Variants in PCDHA13 observed in about 807,000 individuals in gnomAD.
PCDHA13 encodes the protein protocadherin alpha 13.
PCDHA13 carries 54 observed loss-of-function variants against 64.8 expected under a neutral mutation model. The observed-to-expected ratio is 0.83, with a 90% CI of 0.67 to 1.04. The LOEUF (loss-of-function observed/expected upper bound fraction) is 1.04, where lower values mean the gene tolerates loss of function less well. PCDHA13 is among the 50% of genes least tolerant of loss of function. The pLI is 0.00. For synonymous variants in PCDHA13, 587 were observed against 564.4 expected, an observed-to-expected ratio of 1.04 and a Z score of -0.57; for missense variants, 1,248 against 1,254.3, an observed-to-expected ratio of 0.99 and a Z score of 0.08.
chr5:140,993,996 G>T (rs1163632974), intron 3 of PCDHA13, among the ~76,000 whole-genome samples: 1 of 152,148 alleles, frequency 6.6e-6, no homozygotes, highest in Non-Finnish European at 1.5e-5. Flanking sequence ...CTTAGGTCAG[G>T]CCAGGCTCTG....
At chr5:140,979,386 A>C (rs1374804536) in intron 2 of PCDHA13, among the ~76,000 whole-genome samples, 1 of 152,142 alleles carries the variant, frequency 6.6e-6, no homozygotes, top group East Asian at 1.9e-4. Flanking sequence ...TGTGCAATGT[A>C]TACATACATG....
At chr5:140,969,241 A>G (rs1554231627) in intron 1 of PCDHA13, 2 of 1,614,230 alleles carry the variant, frequency 1.2e-6, no homozygotes, top group Admixed American at 3.3e-5. Context: ...CCCAAGCAGC[A>G]GTGACTGACA....
intron 1 of PCDHA13, chr5:140,966,878 G>A (rs2096064555): frequency 6.3e-7 from 1 of 1,587,174 alleles, no homozygotes; most frequent in African/African-American, 1.3e-5. Flanking sequence ...GCTGCTACCT[G>A]GCCCTGCGGC....
intron 1 of PCDHA13, among the ~76,000 whole-genome samples, chr5:140,943,763 G>T (rs2093562574): frequency 6.6e-6 from 1 of 152,122 alleles, no homozygotes; most frequent in Admixed American, 6.5e-5. Context: ...GGAGATGTAG[G>T]AAAAAAACTA....
rs571215806 is a variant in PCDHA13, at chr5:140,940,454, G to T, written c.2395-38495G>T. Among the ~76,000 whole-genome samples, 18 of 151,694 alleles carry T rather than the reference G, an allele frequency of 1.2e-4. No homozygotes were observed. The East Asian group carries it at 3.3e-3, about 28-fold the overall frequency. On this transcript the variant is annotated intron_variant, in intron 1 of 3. Coordinates refer to ENST00000289272, the MANE Select transcript of PCDHA13 (RefSeq NM_018904.3). ...AAGTCTGCCATGATATTTTTTATAGGTTTCTGTTCCCTGCAATTTTTTTTT... is the reference window on the plus strand; with the variant it reads ...AAGTCTGCCATGATATTTTTTATAGTTTTCTGTTCCCTGCAATTTTTTTTT...
intron 1 of PCDHA13, among the ~76,000 whole-genome samples, chr5:140,914,691 T>G (rs1300550753): frequency 6.6e-6 from 1 of 152,130 alleles, no homozygotes; most frequent in Non-Finnish European, 1.5e-5. Flanking sequence ...TTTTCTCTGG[T>G]GGTATGATTT....
chr5:140,999,066 T>G (rs2097845533), intron 3 of PCDHA13, among the ~76,000 whole-genome samples: 1 of 152,214 alleles, frequency 6.6e-6, no homozygotes, highest in Admixed American at 6.5e-5. Flanking sequence ...CTAAGTAGTC[T>G]CCTTCACTTC....
chr5:141,002,120 T>C (rs1416494483), intron 3 of PCDHA13, among the ~76,000 whole-genome samples: 1 of 152,250 alleles, frequency 6.6e-6, no homozygotes, highest in African/African-American at 2.4e-5. Context: ...CTATAATCAT[T>C]TAATAGCCTT....
intron 1 of PCDHA13, among the ~76,000 whole-genome samples, chr5:140,903,229 T>G (rs2153479721): frequency 6.6e-6 from 1 of 152,340 alleles, no homozygotes; most frequent in Non-Finnish European, 1.5e-5. Context: ...CATCTATTAC[T>G]TTTTGATTTT....
At chr5:140,968,170 C>G in intron 1 of PCDHA13, 1 of 1,614,132 alleles carries the variant, frequency 6.2e-7, no homozygotes, top group Middle Eastern at 1.6e-4. Context: ...ATCCACCAAG[C>G]TTCCTGGAGG....
chr5:140,895,413 C>T (rs141941836), intron 1 of PCDHA13, among the ~76,000 whole-genome samples: 52 of 152,240 alleles, frequency 3.4e-4, no homozygotes, highest in African/African-American at 1.0e-3. Flanking sequence ...GCCCCATAAC[C>T]TTCTTTTGCT....
chr5:140,928,372 G>T (rs782494631), intron 1 of PCDHA13: 5 of 1,614,136 alleles, frequency 3.1e-6, no homozygotes, highest in Non-Finnish European at 4.2e-6. Flanking sequence ...AGGGCCATCA[G>T]CCTCTAGCTT....
Position 140,925,039 on chromosome 5 carries a change from A to C in PCDHA13, c.2394+40377A>C, listed in dbSNP as rs554229960. ...GATGGGAGGATCGCTTGAGCCCAGA[A>C]GTTTGAGACCAGACTGGGCAACAAA... On this transcript the variant is annotated intron_variant, in intron 1 of 3. Coordinates refer to ENST00000289272, the MANE Select transcript of PCDHA13 (RefSeq NM_018904.3). Among the ~76,000 whole-genome samples the C allele has an allele frequency of 1.1e-4, 16 of 152,028 alleles. 1 individual carries two copies. The highest frequency in any genetic ancestry group is 1.6e-4 in the Non-Finnish European group (11 of 67,960).
rs1554213921 is a variant in PCDHA13 at position 140,941,202 on chromosome 5, C to CTTTCTTTCTTTCTTT, written c.2395-37747_2395-37746insTTTCTTTCTTTCTTT. Among the ~76,000 whole-genome samples the CTTTCTTTCTTTCTTT allele has an allele frequency of 5.9e-3, 725 of 122,798 alleles. 27 individuals are homozygous for CTTTCTTTCTTTCTTT. The highest frequency in any genetic ancestry group is 0.024 in the East Asian group (107 of 4,522). The allele number at this position is 122,798 out of a possible 152,430, so 80.6% of individuals were successfully genotyped here. ...TCCTGCTTCTTTTTTTTTCTTTCTTCCTTTCTTTCTTCCTTTCTTTCTTTC... is the reference window on the plus strand; with the variant it reads ...TCCTGCTTCTTTTTTTTTCTTTCTTCTTTCTTTCTTTCTTTCTTTCTTTCTTCCTTTCTTTCTTTC... On this transcript the variant is annotated intron_variant, in intron 1 of 3. Coordinates refer to ENST00000289272, the MANE Select transcript of PCDHA13 (RefSeq NM_018904.3).
intron 1 of PCDHA13, chr5:140,930,576 T>C (rs1554207933): frequency 1.3e-5 from 2 of 152,582 alleles, no homozygotes; most frequent in Non-Finnish European, 2.9e-5. Flanking sequence ...TCTACGGTAT[T>C]ACTTTTTGAC....
At chr5:140,890,784 T>C (rs2062805881) in intron 1 of PCDHA13, among the ~76,000 whole-genome samples, 1 of 152,212 alleles carries the variant, frequency 6.6e-6, no homozygotes, top group South Asian at 2.1e-4. Flanking sequence ...CCATAAGATA[T>C]TAGTATTATT....
At chr5:140,998,347 T>C (rs2097807005) in intron 3 of PCDHA13, among the ~76,000 whole-genome samples, 1 of 152,202 alleles carries the variant, frequency 6.6e-6, no homozygotes, top group Non-Finnish European at 1.5e-5. Context: ...TCTGAGTCTG[T>C]GCTCTTAACC....
chr5:140,895,447 G>T (rs1188860605), intron 1 of PCDHA13, among the ~76,000 whole-genome samples: 1 of 152,060 alleles, frequency 6.6e-6, no homozygotes, highest in South Asian at 2.1e-4. Flanking sequence ...CTTTTCATGT[G>T]CTTATTGGTC....
intron 1 of PCDHA13, among the ~76,000 whole-genome samples, chr5:140,973,993 G>T (rs1554235720): frequency 6.6e-6 from 1 of 152,122 alleles, no homozygotes. Flanking sequence ...ACTTCACCTG[G>T]ATCAATGTTT....
Sources: allele counts gnomAD v4.1 joint callset (sites outside exome capture counted in the v4.1 genomes callset), GRCh38; gene constraint gnomAD v4.1.1; transcripts MANE v1.5; gene names NCBI Gene and HGNC (gene_info 2026-07-23, HGNC 2026-07-21).